The following FSTL5 variants were observed in gnomAD, a reference collection of about 807,000 sequenced individuals.
FSTL5 encodes follistatin-related protein 5.
A neutral mutation model predicts 89.1 loss-of-function variants in FSTL5; 62 were observed. The observed-to-expected ratio is 0.70, with a 90% CI of 0.57 to 0.86. The LOEUF is 0.86. Ranked by LOEUF, FSTL5 falls within the 40% of genes least tolerant of loss-of-function variation. The pLI is 0.00. For missense variants in FSTL5, 1,057 were observed against 1,001.6 expected, an observed-to-expected ratio of 1.06 and a Z score of -0.75; for synonymous variants, 383 against 346.2, an observed-to-expected ratio of 1.11 and a Z score of -1.18.
intron 8 of FSTL5, among the ~76,000 whole-genome samples, chr4:161,565,774 CACACACACAT>C (rs1560956362): frequency 1.3e-5 from 2 of 150,116 alleles, no homozygotes; most frequent in African/African-American, 4.9e-5. Context: ...CACACACACA[CACACACACAT>C]ATATATGATA....
At chr4:161,832,202 CAG>C (rs1730867289) in intron 4 of FSTL5, among the ~76,000 whole-genome samples, 2 of 152,022 alleles carry the variant, frequency 1.3e-5, no homozygotes, top group South Asian at 4.1e-4. Flanking sequence ...AGGGAAAGGA[CAG>C]GGGAAGAATT....
intron 6 of FSTL5, among the ~76,000 whole-genome samples, chr4:161,704,740 C>T (rs1419500007): frequency 6.6e-6 from 1 of 152,070 alleles, no homozygotes; most frequent in African/African-American, 2.4e-5. Context: ...AATTGCTTCA[C>T]TCTATTTTCA....
chr4:161,575,195 GT>G (rs1228982520), intron 8 of FSTL5, among the ~76,000 whole-genome samples: 2 of 152,136 alleles, frequency 1.3e-5, no homozygotes, highest in South Asian at 2.1e-4. Context: ...TGATGGAGTT[GT>G]TTTTTTCTTG....
At chr4:161,705,973 TA>T (rs1738561628) in intron 6 of FSTL5, among the ~76,000 whole-genome samples, 1 of 83,140 alleles carries the variant, frequency 1.2e-5, no homozygotes, top group Non-Finnish European at 2.3e-5. Context: ...TATATATATA[TA>T]TATATATATA....
chr4:161,961,465 G>T (rs1315997226), intron 3 of FSTL5, among the ~76,000 whole-genome samples: 1 of 151,282 alleles, frequency 6.6e-6, no homozygotes, highest in East Asian at 1.9e-4. Flanking sequence ...TGGTATACTT[G>T]GTCCCAAAGA....
intron 13 of FSTL5, among the ~76,000 whole-genome samples, chr4:161,461,568 CACAA>C (rs1733584473): frequency 6.7e-6 from 1 of 149,406 alleles, no homozygotes; most frequent in Admixed American, 6.7e-5. Context: ...TGAGTTGCTA[CACAA>C]ACATAGAACA....
At chr4:162,093,626 T>G (rs1730637915) in intron 2 of FSTL5, among the ~76,000 whole-genome samples, 1 of 152,142 alleles carries the variant, frequency 6.6e-6, no homozygotes, top group Non-Finnish European at 1.5e-5. Flanking sequence ...GTTAGGAACT[T>G]TGGTGTGTAT....
chr4:161,968,934 T>TACACACACACACAC (rs147433060), intron 3 of FSTL5, among the ~76,000 whole-genome samples: 203 of 140,234 alleles, frequency 1.4e-3, no homozygotes, highest in East Asian at 7.8e-3. Flanking sequence ...GACACAGACA[T>TACACACACACACAC]ACACACACAC....
chr4:161,994,506 TAA>T (rs1736230858), intron 3 of FSTL5, among the ~76,000 whole-genome samples: 1 of 152,188 alleles, frequency 6.6e-6, no homozygotes, highest in Non-Finnish European at 1.5e-5. Context: ...CAACAATGTA[TAA>T]GTGTTCCCTT....
At chr4:161,778,935 A>T (rs1334684566) in intron 4 of FSTL5, among the ~76,000 whole-genome samples, 1 of 152,164 alleles carries the variant, frequency 6.6e-6, no homozygotes, top group Non-Finnish European at 1.5e-5. Context: ...CTTTCCTTGG[A>T]TTTCTGTACA....
chr4:161,412,529 T>A (rs548785605), intron 15 of FSTL5, among the ~76,000 whole-genome samples: 1 of 151,932 alleles, frequency 6.6e-6, no homozygotes, highest in African/African-American at 2.4e-5. Context: ...CGGGATAGCA[T>A]TAGGAGAAAT....
chr4:161,886,937 A>T (rs1161211998), intron 4 of FSTL5, among the ~76,000 whole-genome samples: 1 of 152,216 alleles, frequency 6.6e-6, no homozygotes, highest in Admixed American at 6.5e-5. Flanking sequence ...CCTTGATTAT[A>T]AACTTTACTG....
intron 4 of FSTL5, among the ~76,000 whole-genome samples, chr4:161,856,589 A>G (rs1249154619): frequency 6.6e-6 from 1 of 151,774 alleles, no homozygotes; most frequent in Non-Finnish European, 1.5e-5. Context: ...TATAGAATTT[A>G]TATTTTAACA....
chr4:162,023,109 T>C (rs1335572466), intron 3 of FSTL5, among the ~76,000 whole-genome samples: 1 of 152,148 alleles, frequency 6.6e-6, no homozygotes, highest in Non-Finnish European at 1.5e-5. Context: ...CCTCTCATGG[T>C]CTCAGGATTT....
intron 2 of FSTL5, among the ~76,000 whole-genome samples, chr4:162,102,712 T>G (rs977941408): frequency 1.4e-5 from 2 of 145,672 alleles, no homozygotes; most frequent in African/African-American, 2.5e-5. Flanking sequence ...TATATATTTA[T>G]ATATATTTAT....
At chr4:161,901,435 G>A (rs1467589501) in intron 4 of FSTL5, among the ~76,000 whole-genome samples, 1 of 152,062 alleles carries the variant, frequency 6.6e-6, no homozygotes, top group Admixed American at 6.6e-5. Context: ...GCAGAGAGGG[G>A]GAGTGATAAG....
At chr4:161,776,338 A>G (rs1741412930) in intron 4 of FSTL5, among the ~76,000 whole-genome samples, 1 of 152,090 alleles carries the variant, frequency 6.6e-6, no homozygotes, top group African/African-American at 2.4e-5. Context: ...TAACGGACAT[A>G]GAAAAACATG....
intron 6 of FSTL5, among the ~76,000 whole-genome samples, chr4:161,693,523 T>G (rs1738024865): frequency 6.6e-6 from 1 of 152,150 alleles, no homozygotes; most frequent in Non-Finnish European, 1.5e-5. Flanking sequence ...TATTAGAATT[T>G]TGTTTCCTCT....
intron 3 of FSTL5, among the ~76,000 whole-genome samples, chr4:162,025,381 T>C (rs1003165421): frequency 1.3e-5 from 2 of 152,174 alleles, no homozygotes; most frequent in South Asian, 2.1e-4. Context: ...AGGGTTATAG[T>C]TAACTTCATT....
Sources: gnomAD v4.1 joint callset for allele counts (sites outside exome capture counted in the v4.1 genomes callset) on GRCh38, gnomAD v4.1.1 for gene constraint, MANE v1.5 for transcripts, NCBI Gene and HGNC (gene_info 2026-07-23, HGNC 2026-07-21) for gene names.